The following PPP1R8 variants were observed in gnomAD, a reference collection of about 807,000 sequenced individuals.
PPP1R8 encodes nuclear inhibitor of protein phosphatase 1.
A neutral mutation model predicts 31.3 loss-of-function variants in PPP1R8; 4 were observed. That is an observed-to-expected ratio of 0.13 (90% CI 0.06 to 0.29). PPP1R8 has a LOEUF of 0.29. Ranked by LOEUF, PPP1R8 falls within the 10% of genes least tolerant of loss-of-function variation. The pLI is 1.00. For missense variants in PPP1R8, 254 were observed against 440.1 expected, an observed-to-expected ratio of 0.58 and a Z score of 3.78; for synonymous variants, 170 against 169.7, an observed-to-expected ratio of 1.00 and a Z score of -0.01.
At chr1:27,831,396 A>G (rs1324684144) in intron 1 of PPP1R8, 1 of 981,066 alleles carries the variant, frequency 1.0e-6, no homozygotes, top group Non-Finnish European at 1.2e-6. Flanking sequence ...GCCCTCAGGG[A>G]GCTCCCAGTC....
In PPP1R8 at chr1:27,830,830, C is replaced by T. The variant is rs375615321; in HGVS notation, c.-6C>T. On this transcript the variant is annotated 5_prime_UTR_variant, in exon 1 of 7. It adds an upstream start codon to the 5' untranslated region. Coordinates refer to ENST00000311772, the MANE Select transcript of PPP1R8 (RefSeq NM_014110.5). ...GGGCGCGCCAAATGGGAGGGGGAGA[C>T]GCAAGATGGCGGCAGCCGCGAACTC... 48 of 1,575,014 alleles carry T rather than the reference C, an allele frequency of 3.0e-5. No individual in the cohort carries two copies. Among genetic ancestry groups the T allele is most frequent in the Non-Finnish European group, 3.7e-5 (43 of 1,161,464 alleles).
At chr1:27,841,893 G>A (rs2148617745) in intron 4 of PPP1R8, among the ~76,000 whole-genome samples, 1 of 152,306 alleles carries the variant, frequency 6.6e-6, no homozygotes, top group African/African-American at 2.4e-5. Flanking sequence ...AGTTTGGTGT[G>A]GCTATAGTCC....
Position 27,843,231 on chromosome 1 carries a change from C to T in PPP1R8, c.538C>T (p.Leu180Phe). 1 of 1,614,152 alleles carries T rather than the reference C, an allele frequency of 6.2e-7. No homozygotes were observed. Among genetic ancestry groups the T allele is most frequent in the Non-Finnish European group, 8.5e-7 (1 of 1,180,028 alleles). Reference sequence around the variant, plus strand: ...TGCCCACAACAAGCGGATTTCTACCCTTACCATTGAGGAGGGAAATCTGGA... The same window carrying T: ...TGCCCACAACAAGCGGATTTCTACCTTTACCATTGAGGAGGGAAATCTGGA... ...NTAHNKRIST[L>F]TIEEGNLDIQ... Residue 180 changes from leucine to phenylalanine, a missense_variant, in exon 5 of 7, where the codon CTT (leucine) becomes TTT (phenylalanine). Leu to Phe is a conservative substitution (Grantham distance 22, BLOSUM62 0). Transcript: ENST00000311772.
At chr1:27,831,398 C>G in intron 1 of PPP1R8, 1 of 970,266 alleles carries the variant, frequency 1.0e-6, no homozygotes, top group Non-Finnish European at 1.2e-6. Context: ...CCTCAGGGAG[C>G]TCCCAGTCTG....
chr1:27,832,936 A>T, intron 2 of PPP1R8, 120 bp downstream of exon 2: 1 of 762,868 alleles, frequency 1.3e-6, no homozygotes, highest in Non-Finnish European at 2.1e-6. Flanking sequence ...TTTCATCCTG[A>T]TTTTTTTTTT....
chr1:27,832,023 T>A (rs1210571039), intron 1 of PPP1R8, among the ~76,000 whole-genome samples: 1 of 152,208 alleles, frequency 6.6e-6, no homozygotes, highest in Non-Finnish European at 1.5e-5. Flanking sequence ...GCTGTATTGA[T>A]TTCAAATTTG....
intron 5 of PPP1R8, among the ~76,000 whole-genome samples, chr1:27,844,866 C>T (rs1329798025): frequency 5.6e-5 from 8 of 143,668 alleles, no homozygotes; most frequent in South Asian, 4.4e-4. Context: ...TACAGGCGCC[C>T]GCCACCATGC....
chr1:27,844,955 G>A (rs1379983846), intron 5 of PPP1R8, among the ~76,000 whole-genome samples: 6 of 116,626 alleles, frequency 5.1e-5, no homozygotes, highest in Non-Finnish European at 6.8e-5. Flanking sequence ...GGATGGTCTC[G>A]ATCTCCTGAC....
chr1:27,832,697 T>C lies in PPP1R8; in HGVS notation c.57-59T>C, dbSNP rs933725287. ...GCTGCAATGTTGAATGGGACAATGGTTGTAAATAGCATTTATAAACCCATC... is the reference window on the plus strand; with the variant it reads ...GCTGCAATGTTGAATGGGACAATGGCTGTAAATAGCATTTATAAACCCATC... On this transcript the variant is annotated intron_variant, in intron 1 of 6. Transcript: ENST00000311772. 1.0e-5 allele frequency: 15 copies of C among 1,436,790 alleles called. No individual in the cohort carries two copies. In the African/African-American group the frequency reaches 2.1e-4, roughly 20 times the overall value. 89.0% of individuals were successfully genotyped at this position (1,436,790 alleles called of 1,614,324 possible). A position where few individuals can be genotyped will look rare whatever the true frequency, so the allele number is the denominator to read the frequency against.
rs1368201803 is a variant in PPP1R8 at position 27,843,329 on chromosome 1, A to G, written c.636A>G (p.Pro212=). Residue 212 remains proline (P), a splice_region_variant and synonymous_variant, in exon 5 of 7, where the codon CCA becomes CCG. Transcript: ENST00000311772. ...TFSEDDEIIN[P]EDVDPSVGRF... is the part of the protein sequence containing the mutation. ...GTGAGGATGATGAGATCATCAACCC[A>G]GGTGAGGTATCTTGCTAGTTTATTC... is the stretch of plus-strand genomic sequence containing the variant. The G allele has an allele frequency of 6.2e-7, 1 of 1,614,176 alleles. No individual in the cohort carries two copies. Among genetic ancestry groups the G allele is most frequent in the South Asian group, 1.1e-5 (1 of 91,088 alleles).
intron 5 of PPP1R8, among the ~76,000 whole-genome samples, chr1:27,844,873 A>G (rs1200747760): frequency 8.7e-6 from 1 of 115,018 alleles, no homozygotes; most frequent in Non-Finnish European, 1.7e-5. Flanking sequence ...GCCCGCCACC[A>G]TGCCCGACTA....
intron 6 of PPP1R8, among the ~76,000 whole-genome samples, chr1:27,848,212 C>A (rs569639156): frequency 6.6e-6 from 1 of 152,034 alleles, no homozygotes; most frequent in Non-Finnish European, 1.5e-5. Flanking sequence ...ACCATCCTGG[C>A]GAACACGGTG....
At chr1:27,837,775 A>C (rs1177886903) in intron 2 of PPP1R8, among the ~76,000 whole-genome samples, 1 of 130,578 alleles carries the variant, frequency 7.7e-6, no homozygotes, top group Non-Finnish European at 1.6e-5. Flanking sequence ...ACTTAGTCTC[A>C]AAAAAAAAAA....
chr1:27,843,710 T>C (rs2089244945), intron 5 of PPP1R8, among the ~76,000 whole-genome samples: 1 of 151,086 alleles, frequency 6.6e-6, no homozygotes, highest in Non-Finnish European at 1.5e-5. Context: ...CCCAGCACTT[T>C]GGAAGGTTGA....
rs536995427 is a variant in PPP1R8, at chr1:27,837,248, G to A, written c.118-1451G>A. Among the ~76,000 whole-genome samples, 12 of 152,014 alleles carry A rather than the reference G, an allele frequency of 7.9e-5. No homozygotes were observed. In the South Asian group the frequency reaches 1.2e-3, roughly 16 times the overall value. On this transcript the variant is annotated intron_variant, in intron 2 of 6. Coordinates refer to ENST00000311772, the MANE Select transcript of PPP1R8 (RefSeq NM_014110.5). ...AGATCAAGACCATCCTGGCTAACAC[G>A]GTGAAACCCTGTCTCTTCTAAAAAT...
rs1036135480 is a variant in PPP1R8 at position 27,850,549 on chromosome 1, G to A, written c.*103G>A. 19 of 1,060,718 alleles carry A rather than the reference G, an allele frequency of 1.8e-5. No homozygotes were observed. Among genetic ancestry groups the A allele is most frequent in the South Asian group, 1.0e-4 (6 of 59,138 alleles). 65.7% of individuals were successfully genotyped at this position (1,060,718 alleles called of 1,614,324 possible). On this transcript the variant is annotated 3_prime_UTR_variant, in exon 7 of 7. Coordinates refer to ENST00000311772, the MANE Select transcript of PPP1R8 (RefSeq NM_014110.5). ...AAAAACTTTCCATGTGTGCGGTATC[G>A]TCTTTCAGAATGTCTCCTGGCATCC...
chr1:27,844,803 C>T (rs1187746921), intron 5 of PPP1R8, among the ~76,000 whole-genome samples: 9 of 143,778 alleles, frequency 6.3e-5, no homozygotes, highest in Non-Finnish European at 7.6e-5. Context: ...CTGCAACCTC[C>T]GCCTCCTGGG....
chr1:27,848,222 G>A (rs1004989924), intron 6 of PPP1R8, among the ~76,000 whole-genome samples: 2 of 152,122 alleles, frequency 1.3e-5, no homozygotes, highest in African/African-American at 4.8e-5. Context: ...CGAACACGGT[G>A]AAACCCCGTC....
intron 2 of PPP1R8, among the ~76,000 whole-genome samples, chr1:27,835,609 A>G (rs2089156957): frequency 6.6e-6 from 1 of 152,264 alleles, no homozygotes; most frequent in African/African-American, 2.4e-5. Context: ...TGAGCTTGAA[A>G]GAAACTGGCT....
Sources: gnomAD v4.1 joint callset for allele counts (sites outside exome capture counted in the v4.1 genomes callset) on GRCh38, gnomAD v4.1.1 for gene constraint, MANE v1.5 for transcripts, NCBI Gene and HGNC (gene_info 2026-07-23, HGNC 2026-07-21) for gene names.